AUTS2: variants seen among roughly 807,000 people sequenced by gnomAD.
The protein encoded by AUTS2 is activator of transcription and developmental regulator AUTS2.
In AUTS2, 17 loss-of-function variants were observed where a neutral mutation model predicts 112.4. The ratio of observed to expected loss-of-function variants is 0.15; its 90% CI spans 0.10 to 0.23. The LOEUF (loss-of-function observed/expected upper bound fraction) is 0.23. AUTS2 is among the 10% of genes least tolerant of loss of function. The pLI is 1.00. For missense variants in AUTS2, 1,510 were observed against 1,701.6 expected, an observed-to-expected ratio of 0.89 and a Z score of 1.98; for synonymous variants, 751 against 702.7, an observed-to-expected ratio of 1.07 and a Z score of -1.09.
intron 1 of AUTS2, among the ~76,000 whole-genome samples, chr7:69,669,952 G>T (rs1410396551): frequency 1.3e-5 from 2 of 152,178 alleles, no homozygotes; most frequent in African/African-American, 4.8e-5. Flanking sequence ...CGACATAATG[G>T]ATAGCAGGGT....
At chr7:69,763,766 C>T (rs1788295793) in intron 1 of AUTS2, among the ~76,000 whole-genome samples, 2 of 152,298 alleles carry the variant, frequency 1.3e-5, no homozygotes, top group South Asian at 4.1e-4. Flanking sequence ...TTGGCATGTG[C>T]TGCTGTGGTT....
chr7:70,013,571 G>A (rs1799897689), intron 2 of AUTS2, among the ~76,000 whole-genome samples: 1 of 152,210 alleles, frequency 6.6e-6, no homozygotes, highest in Non-Finnish European at 1.5e-5. Context: ...GGAAATGGAA[G>A]GTGGACATAG....
At chr7:70,380,667 A>G (rs1437612098) in intron 4 of AUTS2, among the ~76,000 whole-genome samples, 1 of 152,354 alleles carries the variant, frequency 6.6e-6, no homozygotes, top group South Asian at 2.1e-4. Flanking sequence ...GACAACGCCT[A>G]GTCTGAACTG....
At chr7:69,968,713 G>A (rs188407179) in intron 2 of AUTS2, among the ~76,000 whole-genome samples, 2 of 152,232 alleles carry the variant, frequency 1.3e-5, no homozygotes, top group Non-Finnish European at 2.9e-5. Flanking sequence ...ATGGAACTGT[G>A]ATGTGGCAAG....
At chr7:70,149,639 TC>T in intron 4 of AUTS2, among the ~76,000 whole-genome samples, 1 of 152,008 alleles carries the variant, frequency 6.6e-6, no homozygotes, top group South Asian at 2.1e-4. Context: ...CCAAAGATAG[TC>T]TTCTCTGTAG....
Position 70,444,373 on chromosome 7 carries a change from T to TGAGA in AUTS2, c.690+8609_690+8612dup, listed in dbSNP as rs1554402014. Among the ~76,000 whole-genome samples, 60 of 142,492 alleles carry TGAGA rather than the reference T, an allele frequency of 4.2e-4. 1 individual carries two copies. The highest frequency in any genetic ancestry group is 1.5e-3 in the African/African-American group (56 of 37,208). The allele number at this position is 142,492 out of a possible 152,430, so 93.5% of individuals were successfully genotyped here. A position where few individuals can be genotyped will look rare whatever the true frequency, so the allele number is the denominator to read the frequency against. Reference sequence around the variant, plus strand: ...GTGTGTGTGTGTGTGTGTGTGTGTGTGAGAGAGAGAGAGAGAGAGAAAGAG... The same window carrying TGAGA: ...GTGTGTGTGTGTGTGTGTGTGTGTGTGAGAGAGAGAGAGAGAGAGAGAGAAAGAG... On this transcript the variant is annotated intron_variant, in intron 5 of 18. Transcript: ENST00000342771.
At chr7:69,987,128 G>T (rs986037362) in intron 2 of AUTS2, among the ~76,000 whole-genome samples, 2 of 152,098 alleles carry the variant, frequency 1.3e-5, no homozygotes, top group African/African-American at 2.4e-5. Flanking sequence ...ATTTCTCTTC[G>T]CTGGATTAAG....
At chr7:70,555,813 T>C (rs1250875659) in intron 5 of AUTS2, among the ~76,000 whole-genome samples, 5 of 151,486 alleles carry the variant, frequency 3.3e-5, no homozygotes, top group African/African-American at 1.2e-4. Flanking sequence ...AAGCTTTTTT[T>C]TTTTTTTGAG....
chr7:70,490,362 T>A (rs1258769076), intron 5 of AUTS2, among the ~76,000 whole-genome samples: 1 of 151,474 alleles, frequency 6.6e-6, no homozygotes, highest in East Asian at 1.9e-4. Context: ...CTTACAGACA[T>A]TAGAAGGATC....
Position 70,781,364 on chromosome 7 carries a change from C to CA in AUTS2, c.2005-231dup, listed in dbSNP as rs756708435. ...AAGCAGAGTGAGGGAGACTCCGTCA[C>CA]AAAAAAAAAAAAAAAAAAAACCAGA... is the stretch of plus-strand genomic sequence containing the variant. On this transcript the variant is annotated intron_variant, in intron 14 of 18. Transcript: ENST00000342771. 38,380 of 123,082 alleles carry CA rather than the reference C, an allele frequency of 0.31. 3,837 individuals carry two copies. The highest frequency in any genetic ancestry group is 0.42 in the East Asian group (1,736 of 4,166). The allele number at this position is 123,082 out of a possible 1,614,324, so 7.6% of individuals were successfully genotyped here.
intron 4 of AUTS2, among the ~76,000 whole-genome samples, chr7:70,251,393 A>G (rs1231817108): frequency 1.3e-5 from 2 of 152,122 alleles, no homozygotes; most frequent in South Asian, 2.1e-4. Flanking sequence ...ATACAAGTAA[A>G]TTAAGTAAAA....
intron 5 of AUTS2, among the ~76,000 whole-genome samples, chr7:70,471,430 CCTT>C (rs1251579296): frequency 3.9e-5 from 6 of 152,044 alleles, no homozygotes; most frequent in East Asian, 1.9e-4. Context: ...GCAGGTGTGT[CCTT>C]CTTTCATAAA....
At chr7:70,130,625 A>G (rs1806222563) in intron 3 of AUTS2, among the ~76,000 whole-genome samples, 1 of 152,096 alleles carries the variant, frequency 6.6e-6, no homozygotes, top group East Asian at 1.9e-4. Context: ...GCTCTCCTTT[A>G]CAATATAATG....
intron 4 of AUTS2, among the ~76,000 whole-genome samples, chr7:70,422,050 A>C (rs985134130): frequency 6.6e-6 from 1 of 152,184 alleles, no homozygotes; most frequent in Non-Finnish European, 1.5e-5. Flanking sequence ...GAGTATGAGG[A>C]ATTCTACAAA....
intron 2 of AUTS2, among the ~76,000 whole-genome samples, chr7:69,905,560 C>G (rs1795117936): frequency 1.3e-5 from 2 of 152,078 alleles, no homozygotes; most frequent in South Asian, 4.1e-4. Context: ...TATCCCAGCT[C>G]TAGGAGAGAG....
intron 2 of AUTS2, among the ~76,000 whole-genome samples, chr7:70,010,965 C>G (rs1429213635): frequency 6.6e-6 from 1 of 152,144 alleles, no homozygotes; most frequent in Non-Finnish European, 1.5e-5. Flanking sequence ...ATTTGCTTGA[C>G]TTACTTGAGT....
At chr7:69,970,209 A>C (rs553558990) in intron 2 of AUTS2, among the ~76,000 whole-genome samples, 2 of 152,240 alleles carry the variant, frequency 1.3e-5, no homozygotes, top group South Asian at 2.1e-4. Flanking sequence ...ACTTCAATTA[A>C]TTTCATCCTA....
chr7:70,124,922 G>GGTTTTT (rs1216833691), intron 3 of AUTS2, among the ~76,000 whole-genome samples: 8 of 152,174 alleles, frequency 5.3e-5, no homozygotes, highest in Admixed American at 3.3e-4. Flanking sequence ...GATGACTACT[G>GGTTTTT]GTTTTTGTTT....
chr7:70,710,652 G>T (rs1343834338), intron 6 of AUTS2, among the ~76,000 whole-genome samples: 1 of 152,202 alleles, frequency 6.6e-6, no homozygotes, highest in East Asian at 1.9e-4. Flanking sequence ...ATCATGAATG[G>T]ATTTAAGGAG....
Sources: gnomAD v4.1 joint callset for allele counts (sites outside exome capture counted in the v4.1 genomes callset) on GRCh38, gnomAD v4.1.1 for gene constraint, MANE v1.5 for transcripts, NCBI Gene and HGNC (gene_info 2026-07-23, HGNC 2026-07-21) for gene names.